The following AGBL1 variants were observed in gnomAD, a reference collection of about 807,000 sequenced individuals.
The protein encoded by AGBL1 is AGBL carboxypeptidase 1, also known as cytosolic carboxypeptidase 4.
In AGBL1, 130 loss-of-function variants were observed where a neutral mutation model predicts 118.9. The ratio of observed to expected loss-of-function variants is 1.09; its 90% CI spans 0.95 to 1.26. The LOEUF (loss-of-function observed/expected upper bound fraction) is 1.26. Among genes scored for constraint, AGBL1 ranks in the 50% most tolerant of loss-of-function variants. The pLI, the probability that AGBL1 is intolerant of heterozygous loss-of-function variation, is 0.00. For synonymous variants in AGBL1, 555 were observed against 478.9 expected (o/e 1.16, Z -2.08); for missense variants, 1,584 against 1,298.1 (o/e 1.22, Z -3.38).
chr15:86,849,878 C>T (rs908882197), intron 22 of AGBL1, among the ~76,000 whole-genome samples: 4 of 152,158 alleles, frequency 2.6e-5, no homozygotes, highest in African/African-American at 4.8e-5. Context: ...AGGCCTCTGT[C>T]GACATCACGC....
chr15:86,156,269 A>G (rs1343628737), intron 4 of AGBL1, among the ~76,000 whole-genome samples: 1 of 152,076 alleles, frequency 6.6e-6, no homozygotes, highest in Non-Finnish European at 1.5e-5. Flanking sequence ...ATGTCGGCAG[A>G]TTTGGTTTCT....
At position 86,593,683 on chromosome 15, in the gene AGBL1, A is replaced by C. The variant is rs182687873; in HGVS notation, c.2994+39146A>C. ...GATAAGTTTTGTCAAAGTATATACCACTGAAATCACTAACCATAATCAAAA... is the reference window on the plus strand; with the variant it reads ...GATAAGTTTTGTCAAAGTATATACCCCTGAAATCACTAACCATAATCAAAA... On this transcript the variant is annotated intron_variant, in intron 21 of 22. Coordinates refer to ENST00000614907, the MANE Select transcript of AGBL1 (RefSeq NM_001386094.1). Among the ~76,000 whole-genome samples the C allele has an allele frequency of 9.8e-5, 15 of 152,294 alleles. No homozygotes were observed. In the East Asian group the frequency reaches 2.9e-3, roughly 29 times the overall value.
intron 21 of AGBL1, among the ~76,000 whole-genome samples, chr15:86,563,411 C>T (rs2083860429): frequency 6.6e-6 from 1 of 152,196 alleles, no homozygotes; most frequent in African/African-American, 2.4e-5. Flanking sequence ...ACCCAGTAGT[C>T]ATTCAGGAGC....
intron 6 of AGBL1, among the ~76,000 whole-genome samples, chr15:86,241,446 G>A (rs2078639947): frequency 6.6e-6 from 1 of 152,086 alleles, no homozygotes; most frequent in African/African-American, 2.4e-5. Context: ...AGTTCAGAAC[G>A]CTAAGTGTCC....
intron 23 of AGBL1, among the ~76,000 whole-genome samples, chr15:86,950,242 G>T (rs1004184561): frequency 2.6e-5 from 4 of 151,068 alleles, no homozygotes; most frequent in African/African-American, 9.7e-5. Context: ...GCTAAGGAAA[G>T]AATAATCAGT....
At chr15:86,606,571 A>G (rs2437802) in intron 21 of AGBL1, among the ~76,000 whole-genome samples, 30,253 of 152,168 alleles carry the variant, frequency 0.2, 3,585 homozygotes, top group Middle Eastern at 0.31. Context: ...TGAGAGTAAA[A>G]TGGTGTTTAG....
intron 17 of AGBL1, among the ~76,000 whole-genome samples, chr15:86,373,757 G>C (rs2081000312): frequency 6.6e-6 from 1 of 152,200 alleles, no homozygotes; most frequent in Admixed American, 6.5e-5. Flanking sequence ...CTCACATTCG[G>C]TCTGGGTTCA....
chr15:86,895,620 C>T (rs1466801371), intron 22 of AGBL1, among the ~76,000 whole-genome samples: 1 of 151,058 alleles, frequency 6.6e-6, no homozygotes, highest in Non-Finnish European at 1.5e-5. Flanking sequence ...CTTTTTTCTG[C>T]CTCGCTTTAA....
chr15:86,148,549 A>T (rs1381984744), intron 3 of AGBL1, among the ~76,000 whole-genome samples: 1 of 152,218 alleles, frequency 6.6e-6, no homozygotes, highest in Admixed American at 6.5e-5. Flanking sequence ...CAAATTAATG[A>T]AATAAAGTGA....
chr15:86,272,607 G>A (rs532845176), intron 15 of AGBL1, among the ~76,000 whole-genome samples: 1 of 152,258 alleles, frequency 6.6e-6, no homozygotes, highest in African/African-American at 2.4e-5. Flanking sequence ...TATGCCTCTT[G>A]GCTTTTGAGA....
chr15:86,079,785 G>C (rs931877632), upstream of AGBL1: 12 of 394,370 alleles, frequency 3.0e-5, no homozygotes, highest in South Asian at 2.9e-4. Flanking sequence ...AGTGGGAGTC[G>C]GTGGGTATTC....
intron 21 of AGBL1, among the ~76,000 whole-genome samples, chr15:86,607,899 G>A (rs1454476683): frequency 1.3e-5 from 2 of 152,126 alleles, no homozygotes; most frequent in African/African-American, 2.4e-5. Context: ...GGCAGGCAGT[G>A]CATGGACATA....
chr15:86,442,648 G>A (rs964011167), intron 18 of AGBL1, among the ~76,000 whole-genome samples: 1 of 152,192 alleles, frequency 6.6e-6, no homozygotes, highest in East Asian at 1.9e-4. Context: ...CTTTGGGAAA[G>A]AACTAGATAT....
intron 19 of AGBL1, among the ~76,000 whole-genome samples, chr15:86,523,767 A>G (rs1009892360): frequency 1.3e-5 from 2 of 152,192 alleles, no homozygotes; most frequent in African/African-American, 4.8e-5. Flanking sequence ...CTGTTTTCCC[A>G]AGCCTCTAGT....
intron 17 of AGBL1, chr15:86,295,613 A>G: frequency 2.3e-6 from 1 of 438,422 alleles, no homozygotes; most frequent in Non-Finnish European, 3.9e-6. Context: ...GAGAAAATGA[A>G]ATGAATTCAA....
chr15:86,465,327 T>C (rs562183065), intron 18 of AGBL1, among the ~76,000 whole-genome samples: 1 of 152,312 alleles, frequency 6.6e-6, no homozygotes, highest in East Asian at 1.9e-4. Context: ...TGAGGATGTA[T>C]GTCACCTCAG....
chr15:86,512,521 A>G (rs1180131032), intron 18 of AGBL1, among the ~76,000 whole-genome samples: 1 of 151,810 alleles, frequency 6.6e-6, no homozygotes, highest in African/African-American at 2.4e-5. Flanking sequence ...TTGGTAAGTC[A>G]TATCCTGTTA....
At chr15:86,229,675 G>T (rs1216104871) in intron 6 of AGBL1, among the ~76,000 whole-genome samples, 1 of 151,198 alleles carries the variant, frequency 6.6e-6, no homozygotes, top group African/African-American at 2.4e-5. Context: ...CTTTCTTTTT[G>T]CTTCCTCAAT....
At chr15:86,160,579 C>A (rs981271521) in intron 5 of AGBL1, among the ~76,000 whole-genome samples, 2 of 152,168 alleles carry the variant, frequency 1.3e-5, no homozygotes, top group Admixed American at 1.3e-4. Context: ...TGTGTGCAGG[C>A]CTTTGCTGCT....
Sources: gnomAD v4.1 joint callset for allele counts (sites outside exome capture counted in the v4.1 genomes callset) on GRCh38, gnomAD v4.1.1 for gene constraint, MANE v1.5 for transcripts, NCBI Gene and HGNC (gene_info 2026-07-23, HGNC 2026-07-21) for gene names.